The following RASSF8 variants were observed in gnomAD, a reference collection of about 807,000 sequenced individuals.
RASSF8 encodes ras association domain-containing protein 8.
Under a neutral mutation model 48.5 loss-of-function variants are expected in RASSF8, and 22 were observed. The ratio of observed to expected loss-of-function variants is 0.45; its 90% CI spans 0.32 to 0.65. The LOEUF (loss-of-function observed/expected upper bound fraction) is 0.65. RASSF8 is among the 30% of genes least tolerant of loss of function. RASSF8 has a pLI of 0.03. For synonymous variants in RASSF8, 127 were observed against 171.5 expected, an observed-to-expected ratio of 0.74 and a Z score of 2.03; for missense variants, 418 against 489.2, an observed-to-expected ratio of 0.85 and a Z score of 1.37.
intron 2 of RASSF8, among the ~76,000 whole-genome samples, chr12:26,029,906 GT>G (rs1167544362): frequency 1.3e-5 from 2 of 152,036 alleles, no homozygotes; most frequent in Non-Finnish European, 2.9e-5. Context: ...TTCTTAACTT[GT>G]TTAGTCTGCC....
intron 1 of RASSF8, among the ~76,000 whole-genome samples, chr12:25,975,256 C>T (rs954342627): frequency 3.3e-5 from 5 of 152,058 alleles, no homozygotes; most frequent in African/African-American, 9.7e-5. Context: ...CAAATAGTCT[C>T]GATATCATTA....
Position 26,064,683 on chromosome 12 carries a change from C to G in RASSF8, c.289C>G (p.Pro97Ala). The change falls in exon 4 of 6, where the codon CCT becomes GCT. Residue 97 changes from proline (P) to alanine (A), a missense_variant. Physicochemically the swap from Pro to Ala is conservative, Grantham distance 27. Transcript: ENST00000689635. ...RPTSDSVARI[P>A]ERTLYRQSLP... is the part of the protein sequence containing the mutation. ...CACTTCAGACAGTGTGGCTCGAATT[C>G]CTGAAAGAACTTTATACAGGCAGAG... is the stretch of plus-strand genomic sequence containing the variant. 6.2e-7 allele frequency: 1 copy of G among 1,614,010 alleles called. No individual in the cohort carries two copies. Among genetic ancestry groups the G allele is most frequent in the Non-Finnish European group, 8.5e-7 (1 of 1,179,962 alleles).
chr12:26,025,633 C>T, intron 2 of RASSF8, among the ~76,000 whole-genome samples: 1 of 150,962 alleles, frequency 6.6e-6, no homozygotes, highest in Non-Finnish European at 1.5e-5. Context: ...AGAATACTAC[C>T]TTGCATATGG....
At chr12:25,991,026 AG>A (rs1233650022) in intron 1 of RASSF8, among the ~76,000 whole-genome samples, 20 of 152,332 alleles carry the variant, frequency 1.3e-4, no homozygotes, top group Non-Finnish European at 1.5e-5. Flanking sequence ...TTAAATAACC[AG>A]AGCAATAAAC....
intron 1 of RASSF8, among the ~76,000 whole-genome samples, chr12:25,965,365 T>TTC (rs997855507): frequency 3.6e-5 from 5 of 140,006 alleles, no homozygotes; most frequent in African/African-American, 1.1e-4. Context: ...CCAAATTTCT[T>TTC]TTTTTTTTTT....
At chr12:25,963,864 A>G (rs1941294965) in intron 1 of RASSF8, among the ~76,000 whole-genome samples, 1 of 152,230 alleles carries the variant, frequency 6.6e-6, no homozygotes, top group South Asian at 2.1e-4. Context: ...CTTTCTTTCC[A>G]TATATTTGCT....
chr12:26,010,028 T>G (rs927178467), intron 2 of RASSF8, among the ~76,000 whole-genome samples: 1 of 152,012 alleles, frequency 6.6e-6, no homozygotes, highest in Non-Finnish European at 1.5e-5. Flanking sequence ...GGAGTGAGGG[T>G]GAGGGGGTGG....
chr12:26,014,440 A>T (rs1458303728), intron 2 of RASSF8, among the ~76,000 whole-genome samples: 1 of 152,168 alleles, frequency 6.6e-6, no homozygotes, highest in African/African-American at 2.4e-5. Context: ...AATAAATACG[A>T]TAAATTATTG....
chr12:25,974,436 C>T (rs1262657045), intron 1 of RASSF8, among the ~76,000 whole-genome samples: 1 of 151,398 alleles, frequency 6.6e-6, no homozygotes, highest in African/African-American at 2.4e-5. Flanking sequence ...CAAGGGATGG[C>T]TAGGTTTTTT....
Position 25,958,767 on chromosome 12 carries a change from C to A in RASSF8, c.-584C>A, listed in dbSNP as rs1941145774. The stretch of plus-strand genomic sequence containing the variant: ...CCCGCGCTCGTCCGGCGCCCCGCGC[C>A]GCGCCCCGCTCAGCGTCTGCCGCCC... On this transcript the variant is annotated 5_prime_UTR_variant, in exon 1 of 6. Coordinates refer to ENST00000689635, the MANE Select transcript of RASSF8 (RefSeq NM_001394098.1). 1.4e-5 allele frequency among the ~76,000 whole-genome samples: 2 copies of A among 146,982 alleles called. No individual in the cohort carries two copies. Among genetic ancestry groups the A allele is most frequent in the African/African-American group, 2.4e-5 (1 of 40,932 alleles).
Position 26,071,955 on chromosome 12 carries a change from G to A in RASSF8, c.*3137G>A. 3 of 985,316 alleles carry A rather than the reference G, an allele frequency of 3.0e-6. No homozygotes were observed. The highest frequency in any genetic ancestry group is 1.7e-5 in the African/African-American group (1 of 57,322). The allele number at this position is 985,316 out of a possible 1,614,324, so 61.0% of individuals were successfully genotyped here. Reference sequence around the variant, plus strand: ...TTTCTCTGTGAATAAGAGCAAAATGGTCTTCAGAGAAACAGACTGTTCATT... The same window carrying A: ...TTTCTCTGTGAATAAGAGCAAAATGATCTTCAGAGAAACAGACTGTTCATT... On this transcript the variant is annotated 3_prime_UTR_variant, in exon 6 of 6. Coordinates refer to ENST00000689635, the MANE Select transcript of RASSF8 (RefSeq NM_001394098.1).
At chr12:25,988,824 C>T (rs145384102) in intron 1 of RASSF8, among the ~76,000 whole-genome samples, 242 of 152,260 alleles carry the variant, frequency 1.6e-3, no homozygotes, top group African/African-American at 5.7e-3. Flanking sequence ...TGGGTCTAAA[C>T]AAGTAACAAA....
intron 1 of RASSF8, among the ~76,000 whole-genome samples, chr12:25,987,486 G>C (rs968207696): frequency 6.6e-6 from 1 of 152,146 alleles, no homozygotes; most frequent in African/African-American, 2.4e-5. Context: ...AAATGATAAG[G>C]TTTCAGAAAC....
At chr12:26,048,502 C>T (rs1183643596) in intron 2 of RASSF8, among the ~76,000 whole-genome samples, 1 of 152,170 alleles carries the variant, frequency 6.6e-6, no homozygotes, top group African/African-American at 2.4e-5. Context: ...CTCAGGGCTA[C>T]TAGTACTGGA....
downstream of RASSF8, among the ~76,000 whole-genome samples, chr12:26,075,500 A>C (rs1231638833): frequency 1.3e-5 from 2 of 152,164 alleles, no homozygotes; most frequent in Non-Finnish European, 2.9e-5. Context: ...ATCATCCAGT[A>C]TGTTGGAATC....
At chr12:26,035,086 T>C (rs1288047518) in intron 2 of RASSF8, among the ~76,000 whole-genome samples, 2 of 152,284 alleles carry the variant, frequency 1.3e-5, no homozygotes, top group African/African-American at 4.8e-5. Flanking sequence ...GTAAAAATTA[T>C]TAATCCCTAG....
intron 3 of RASSF8, among the ~76,000 whole-genome samples, chr12:26,061,527 C>A (rs1229491636): frequency 2.6e-5 from 4 of 151,602 alleles, no homozygotes; most frequent in African/African-American, 4.8e-5. Context: ...TCCTACAATG[C>A]AAAAACAGCT....
chr12:26,067,267 A>G (rs1395438579), intron 4 of RASSF8, among the ~76,000 whole-genome samples: 1 of 152,174 alleles, frequency 6.6e-6, no homozygotes, highest in Non-Finnish European at 1.5e-5. Context: ...TTTTTTAATG[A>G]AAGTTTATAG....
chr12:26,079,394 C>A, exon 6 of RASSF8: 1 of 179,852 alleles, frequency 5.6e-6, no homozygotes, highest in East Asian at 1.4e-4. Flanking sequence ...ACCATCCTGG[C>A]TAACACCATG....
Sources: gnomAD v4.1 joint callset for allele counts (sites outside exome capture counted in the v4.1 genomes callset) on GRCh38, gnomAD v4.1.1 for gene constraint, MANE v1.5 for transcripts, NCBI Gene and HGNC (gene_info 2026-07-23, HGNC 2026-07-21) for gene names.